The following OTUD7A variants were observed in gnomAD, a reference collection of about 807,000 sequenced individuals.
The protein encoded by OTUD7A is OTU domain-containing protein 7A.
In OTUD7A, 12 loss-of-function variants were observed where a neutral mutation model predicts 65.7. The observed-to-expected ratio is 0.18, with a 90% confidence interval of 0.12 to 0.30. The LOEUF (loss-of-function observed/expected upper bound fraction) is 0.30, where lower values mean the gene tolerates loss of function less well. OTUD7A is among the 10% of genes least tolerant of loss of function. The pLI, the probability that OTUD7A is intolerant of heterozygous loss-of-function variation, is 1.00. For missense variants in OTUD7A, 1,148 were observed against 1,304.8 expected (o/e 0.88, Z 1.85); for synonymous variants, 641 against 586.3 (o/e 1.09, Z -1.35).
intron 3 of OTUD7A, among the ~76,000 whole-genome samples, chr15:31,629,975 TTC>T (rs1214794974): frequency 6.6e-6 from 1 of 151,956 alleles, no homozygotes; most frequent in Non-Finnish European, 1.5e-5. Context: ...TATTTGATTC[TTC>T]TCTCTTTCTT....
intron 1 of OTUD7A, among the ~76,000 whole-genome samples, chr15:31,740,574 T>G (rs1356279152): frequency 6.6e-6 from 1 of 152,038 alleles, no homozygotes; most frequent in Non-Finnish European, 1.5e-5. Flanking sequence ...ATTCTCAATG[T>G]ATTTTGAAAA....
intron 3 of OTUD7A, among the ~76,000 whole-genome samples, chr15:31,589,639 T>G (rs1889660125): frequency 6.6e-6 from 1 of 152,068 alleles, no homozygotes; most frequent in African/African-American, 2.4e-5. Flanking sequence ...TTCAATGAAT[T>G]TATACTAATA....
Position 31,491,022 on chromosome 15 carries a change from A to G in OTUD7A, c.1172-3456T>C, listed in dbSNP as rs562018275. 5.9e-5 allele frequency among the ~76,000 whole-genome samples: 9 copies of G among 152,334 alleles called. No homozygotes were observed. In the East Asian group the frequency reaches 1.7e-3, roughly 29 times the overall value. ...CTGAAAACCTAGCAAAAGGAAAGGC[A>G]TGCTTCTTTCCAGGAATAAAAGTGA... is the stretch of plus-strand genomic sequence containing the variant. On this transcript the variant is annotated intron_variant, in intron 10 of 12. Transcript: ENST00000307050.
chr15:31,813,276 T>C (rs971365750), intron 1 of OTUD7A, among the ~76,000 whole-genome samples: 3 of 99,262 alleles, frequency 3.0e-5, no homozygotes, highest in Non-Finnish European at 7.2e-5. Context: ...AGGCACAGAG[T>C]GTTCCACTCA....
At chr15:31,543,693 GA>G (rs1888049094) in intron 5 of OTUD7A, among the ~76,000 whole-genome samples, 1 of 151,852 alleles carries the variant, frequency 6.6e-6, no homozygotes, top group Non-Finnish European at 1.5e-5. Flanking sequence ...CTCAATTCAT[GA>G]GGAAGAAATC....
Position 31,511,093 on chromosome 15 carries a change from C to CATGT in OTUD7A, c.894-7276_894-7275insACAT, listed in dbSNP as rs1555391720. The stretch of plus-strand genomic sequence containing the variant: ...TATATGTATATCTATATGTAACATA[C>CATGT]ATATGTATATCTATATGTAACATAC... On this transcript the variant is annotated intron_variant, in intron 8 of 12. Coordinates refer to ENST00000307050, the MANE Select transcript of OTUD7A (RefSeq NM_001382637.1). 5.8e-3 allele frequency among the ~76,000 whole-genome samples: 88 copies of CATGT among 15,056 alleles called. 2 individuals carry two copies. Among genetic ancestry groups the CATGT allele is most frequent in the Non-Finnish European group, 6.0e-3 (56 of 9,276 alleles). The allele number at this position is 15,056 out of a possible 152,430, so 9.9% of individuals were successfully genotyped here.
intron 3 of OTUD7A, among the ~76,000 whole-genome samples, chr15:31,610,613 A>ATTTTTTTT (rs1228282525): frequency 2.5e-4 from 8 of 31,650 alleles, no homozygotes; most frequent in African/African-American, 1.0e-3. Flanking sequence ...ATATATATAT[A>ATTTTTTTT]TATATTTTTT....
chr15:31,656,510 C>T (rs1891997140), intron 2 of OTUD7A, among the ~76,000 whole-genome samples: 1 of 152,230 alleles, frequency 6.6e-6, no homozygotes, highest in African/African-American at 2.4e-5. Context: ...AAAAGATGTA[C>T]TTCCTGGAAC....
At chr15:31,809,221 A>G (rs1201480557) in intron 1 of OTUD7A, among the ~76,000 whole-genome samples, 1 of 152,214 alleles carries the variant, frequency 6.6e-6, no homozygotes, top group African/African-American at 2.4e-5. Context: ...ACGTTCCTGT[A>G]ATAGAATCTG....
At position 31,487,487 on chromosome 15, in the gene OTUD7A, C is replaced by G. The variant is rs1194968943; in HGVS notation, c.1251G>C (p.Trp417Cys). 1.2e-6 allele frequency: 2 copies of G among 1,613,970 alleles called. No individual in the cohort carries two copies. The highest frequency in any genetic ancestry group is 1.7e-6 in the Non-Finnish European group (2 of 1,180,034). Residue 417 changes from tryptophan to cysteine, a missense_variant, in exon 11 of 13, where the codon TGG (tryptophan) becomes TGC (cysteine). Trp to Cys is a radical substitution (Grantham distance 215). This residue lies in a region of OTUD7A where 842 missense variants were observed against 769.5 expected (regional missense o/e 1.09). Coordinates refer to ENST00000307050, the MANE Select transcript of OTUD7A (RefSeq NM_001382637.1). This position sits in a 1 kb window ranked among gnomAD's most constrained non-coding sequence, Gnocchi z 6.0. ...FAVDPGKDWE[W>C]GKDDNDNARL... ...GGGCGTTATCGTTGTCGTCTTTCCC[C>G]CACTCCCAGTCCTTGCCAGGGTCCA...
At chr15:31,792,837 T>C (rs1259862454) in intron 1 of OTUD7A, among the ~76,000 whole-genome samples, 1 of 152,184 alleles carries the variant, frequency 6.6e-6, no homozygotes, top group Non-Finnish European at 1.5e-5. Context: ...TGAGGGGCTG[T>C]CCTCAGGGAG....
chr15:31,483,546 C>T lies in OTUD7A; in HGVS notation c.2550G>A (p.Ala850=), dbSNP rs1431902401. ...TGTAGGTCTGCGACTTGTGCTCGGCCGCCCCCGCCGTCCCCGCCGCGCCCG... is the reference window on the plus strand; with the variant it reads ...TGTAGGTCTGCGACTTGTGCTCGGCTGCCCCCGCCGTCCCCGCCGCGCCCG... The part of the protein sequence containing the change: ...ALPGAAGTAG[A]AEHKSQTYTN... The change falls in exon 13 of 13, where the codon GCG becomes GCA. Residue 850 remains alanine, a synonymous_variant. Transcript: ENST00000307050. 3 of 1,323,474 alleles carry T rather than the reference C, an allele frequency of 2.3e-6. No homozygotes were observed. In the South Asian group the frequency reaches 5.3e-5, roughly 23 times the overall value. 82.0% of individuals were successfully genotyped at this position (1,323,474 alleles called of 1,614,324 possible).
intron 3 of OTUD7A, among the ~76,000 whole-genome samples, chr15:31,654,618 T>A (rs897073334): frequency 6.6e-6 from 1 of 152,140 alleles, no homozygotes; most frequent in African/African-American, 2.4e-5. Context: ...TTTAGAGACA[T>A]AGAAACTACA....
intron 1 of OTUD7A, among the ~76,000 whole-genome samples, chr15:31,826,701 A>G (rs1400896161): frequency 1.3e-5 from 2 of 152,202 alleles, no homozygotes; most frequent in Non-Finnish European, 2.9e-5. Flanking sequence ...CAAACTTTTA[A>G]GCTGTTTCCC....
chr15:31,806,931 C>A (rs1273127193), intron 1 of OTUD7A, among the ~76,000 whole-genome samples: 1 of 152,172 alleles, frequency 6.6e-6, no homozygotes, highest in African/African-American at 2.4e-5. Flanking sequence ...CTGTCCCCAT[C>A]CTAAGCCATC....
intron 1 of OTUD7A, among the ~76,000 whole-genome samples, chr15:31,731,302 A>G (rs1045062067): frequency 6.6e-6 from 1 of 152,248 alleles, no homozygotes; most frequent in South Asian, 2.1e-4. Context: ...CATAATTGCC[A>G]AAACTCAGAA....
At chr15:31,856,618 A>G (rs1041567754) in intron 1 of OTUD7A, among the ~76,000 whole-genome samples, 3 of 152,192 alleles carry the variant, frequency 2.0e-5, no homozygotes, top group Non-Finnish European at 2.9e-5. Flanking sequence ...AGATGGTTAC[A>G]CTCAAAACAC....
intron 8 of OTUD7A, among the ~76,000 whole-genome samples, chr15:31,507,903 G>A (rs975996434): frequency 6.6e-6 from 1 of 152,174 alleles, no homozygotes; most frequent in African/African-American, 2.4e-5. Context: ...TCACCTCTCA[G>A]TAGGAGCAGA....
chr15:31,637,921 G>T (rs556286174), intron 3 of OTUD7A, among the ~76,000 whole-genome samples: 2 of 152,336 alleles, frequency 1.3e-5, no homozygotes, highest in East Asian at 3.9e-4. Flanking sequence ...GATGGAATCT[G>T]CTCCTGGTAA....
Sources: gnomAD v4.1 joint callset for allele counts (sites outside exome capture counted in the v4.1 genomes callset) on GRCh38, gnomAD v4.1.1 for gene constraint, gnomAD v4.1.1 regional missense constraint, Gnocchi (gnomAD v3.1) non-coding constraint, MANE v1.5 for transcripts, NCBI Gene and HGNC (gene_info 2026-07-23, HGNC 2026-07-21) for gene names.